Variants in TEX9 observed in about 807,000 individuals in gnomAD.
TEX9 encodes testis expressed 9.
A neutral mutation model predicts 59.6 loss-of-function variants in TEX9; 74 were observed. The observed-to-expected ratio is 1.24, with a 90% CI of 1.03 to 1.51. The LOEUF (loss-of-function observed/expected upper bound fraction) is 1.51, where lower values mean the gene tolerates loss of function less well. TEX9 is among the 40% of genes most tolerant of loss of function. The pLI, the probability that TEX9 is intolerant of heterozygous loss-of-function variation, is 0.00. For synonymous variants in TEX9, 186 were observed against 152.2 expected (o/e 1.22, Z -1.64); for missense variants, 522 against 447.8 (o/e 1.17, Z -1.49).
intron 12 of TEX9, among the ~76,000 whole-genome samples, chr15:56,437,912 T>C (rs1324380642): frequency 6.6e-6 from 1 of 152,140 alleles, no homozygotes; most frequent in African/African-American, 2.4e-5. Flanking sequence ...TTACAAGGGA[T>C]GTGAAGGACC....
chr15:56,419,771 T>G (rs1348850992), intron 10 of TEX9, among the ~76,000 whole-genome samples: 1 of 151,920 alleles, frequency 6.6e-6, no homozygotes, highest in Non-Finnish European at 1.5e-5. Flanking sequence ...AGGGTAATGC[T>G]GCCTTTATTA....
At chr15:56,364,471 T>C (rs28375970), upstream of TEX9, among the ~76,000 whole-genome samples, 445 of 151,414 alleles carry the variant, frequency 2.9e-3, 1 homozygote, top group African/African-American at 1.0e-2. Context: ...CTTTTCTTTT[T>C]TTTTTTTTTT....
chr15:56,409,360 C>G (rs2049236481), intron 9 of TEX9, among the ~76,000 whole-genome samples: 4 of 152,138 alleles, frequency 2.6e-5, no homozygotes, highest in Admixed American at 2.6e-4. Flanking sequence ...TTATCAAAAC[C>G]TAACACTGTG....
chr15:56,449,327 T>A (rs528857958), downstream of TEX9, among the ~76,000 whole-genome samples: 1 of 152,252 alleles, frequency 6.6e-6, no homozygotes, highest in South Asian at 2.1e-4. Flanking sequence ...ACACTCTTTT[T>A]ATTAAATCAT....
At chr15:56,387,007 A>G (rs574385652) in intron 4 of TEX9, among the ~76,000 whole-genome samples, 1 of 138,586 alleles carries the variant, frequency 7.2e-6, no homozygotes, top group South Asian at 2.3e-4. Context: ...AACACCCAGG[A>G]TGACTCTGTC....
chr15:56,401,308 CAAAAAAAAAAAAAAAA>C (rs1207055803), intron 9 of TEX9, among the ~76,000 whole-genome samples: 1 of 46,772 alleles, frequency 2.1e-5, no homozygotes, highest in Non-Finnish European at 3.4e-5. Flanking sequence ...AAATTGAAAG[CAAAAAAAAAAAAAAAA>C]AAAAAAAACA....
intron 7 of TEX9, 122 bp from the exon 8 acceptor site, chr15:56,394,043 A>T (rs945650681): frequency 3.8e-6 from 3 of 799,118 alleles, no homozygotes; most frequent in Non-Finnish European, 6.0e-6. Context: ...CCCCTAACAG[A>T]TATCTCCTAT....
intron 4 of TEX9, among the ~76,000 whole-genome samples, chr15:56,384,539 G>C (rs1183592466): frequency 6.6e-6 from 1 of 152,098 alleles, no homozygotes; most frequent in South Asian, 2.1e-4. Context: ...ATCTTTCTTC[G>C]TCACTACTGC....
chr15:56,352,799 T>C (rs2046610018), intron 1 of TEX9, among the ~76,000 whole-genome samples: 1 of 152,170 alleles, frequency 6.6e-6, no homozygotes, highest in East Asian at 1.9e-4. Flanking sequence ...ATGCAGCAAA[T>C]TTTAGTGACT....
At chr15:56,384,003 T>G in exon 4 of TEX9, 1 of 1,612,852 alleles carries the variant, frequency 6.2e-7, no homozygotes, top group Non-Finnish European at 8.5e-7. Context: ...AATGAAATCA[T>G]GTGATGACGA....
At chr15:56,456,288 T>C in the TEX9 span, 1 of 1,005,962 alleles carries the variant, frequency 9.9e-7, no homozygotes, top group Non-Finnish European at 1.4e-6. Context: ...AAATATTAAC[T>C]AAGTGAAATG....
chr15:56,451,895 AC>A, the TEX9 span, among the ~76,000 whole-genome samples: 1 of 152,156 alleles, frequency 6.6e-6, no homozygotes, highest in Non-Finnish European at 1.5e-5. Flanking sequence ...TTTATTACTT[AC>A]GTCTAGTTTA....
At chr15:56,445,550 A>G (rs1379309099) in intron 12 of TEX9, 1 of 152,072 alleles carries the variant, frequency 6.6e-6, no homozygotes, top group Non-Finnish European at 1.5e-5. Flanking sequence ...TTGACCAAAA[A>G]TGTTTCTGAT....
At chr15:56,296,140 G>A (rs915199695) in intron 1 of TEX9, among the ~76,000 whole-genome samples, 4 of 151,986 alleles carry the variant, frequency 2.6e-5, no homozygotes, top group Non-Finnish European at 4.4e-5. Flanking sequence ...TATACCCCAC[G>A]GCCCAGCTTA....
chr15:56,264,167 A>G (rs1403125647), intron 1 of TEX9, among the ~76,000 whole-genome samples: 1 of 152,210 alleles, frequency 6.6e-6, no homozygotes, highest in Admixed American at 6.5e-5. Flanking sequence ...TCATTTCCAA[A>G]ATAGTCGCAC....
intron 3 of TEX9, among the ~76,000 whole-genome samples, chr15:56,382,898 G>T (rs1359277822): frequency 6.6e-6 from 1 of 152,142 alleles, no homozygotes; most frequent in East Asian, 1.9e-4. Context: ...GGTCACAATT[G>T]GTGTCTCCCT....
At chr15:56,361,375 A>G (rs1430142410), upstream of TEX9, among the ~76,000 whole-genome samples, 2 of 152,128 alleles carry the variant, frequency 1.3e-5, no homozygotes, top group Non-Finnish European at 2.9e-5. Context: ...ATAACATTCC[A>G]CAGGTTTTGA....
At chr15:56,406,372 A>AT (rs1242328351) in intron 9 of TEX9, among the ~76,000 whole-genome samples, 1 of 152,036 alleles carries the variant, frequency 6.6e-6, no homozygotes, top group Admixed American at 6.6e-5. Context: ...GTGACATTCA[A>AT]TTTTTTTCTA....
intron 1 of TEX9, among the ~76,000 whole-genome samples, chr15:56,312,427 T>C (rs879672577): frequency 0.033 from 4,661 of 143,322 alleles, 84 homozygotes; most frequent in Admixed American, 0.061. Context: ...CTTGTTTTTC[T>C]CAGGTTTGTC....
Sources: gnomAD v4.1 joint callset for allele counts (sites outside exome capture counted in the v4.1 genomes callset) on GRCh38, gnomAD v4.1.1 for gene constraint, MANE v1.5 for transcripts, NCBI Gene and HGNC (gene_info 2026-07-23, HGNC 2026-07-21) for gene names.